Variants in SLC38A10 observed in about 807,000 individuals in gnomAD.
The protein encoded by SLC38A10 is solute carrier family 38 member 10, also known as Sodium-coupled neutral amino acid transporter 10.
Under a neutral mutation model 81.0 loss-of-function variants are expected in SLC38A10, and 53 were observed. That is an observed-to-expected ratio of 0.65 (90% CI 0.53 to 0.82). The LOEUF (loss-of-function observed/expected upper bound fraction) is 0.82, where lower values mean the gene tolerates loss of function less well. SLC38A10 is among the 40% of genes least tolerant of loss of function. SLC38A10 has a pLI of 0.00. For synonymous variants in SLC38A10, 665 were observed against 655.3 expected, an observed-to-expected ratio of 1.01 and a Z score of -0.23; for missense variants, 1,471 against 1,545.0, an observed-to-expected ratio of 0.95 and a Z score of 0.80.
intron 14 of SLC38A10, among the ~76,000 whole-genome samples, chr17:81,248,398 T>TG (rs1210301665): frequency 6.6e-6 from 1 of 152,176 alleles, no homozygotes; most frequent in East Asian, 1.9e-4. Context: ...GTGCACCCCG[T>TG]GTTAAGAGCT....
Position 81,295,012 on chromosome 17 carries a change from G to GCCTATCTAGTGTCGAAGCCTGGGA in SLC38A10, c.-92_-91insTCCCAGGCTTCGACACTAGATAGG. 1 of 1,428,072 alleles carries GCCTATCTAGTGTCGAAGCCTGGGA rather than the reference G, an allele frequency of 7.0e-7. No individual in the cohort carries two copies. 88.5% of individuals were successfully genotyped at this position (1,428,072 alleles called of 1,614,324 possible). A position where few individuals can be genotyped will look rare whatever the true frequency, so the allele number is the denominator to read the frequency against. On this transcript the variant is annotated 5_prime_UTR_variant, in exon 1 of 16. Coordinates refer to ENST00000374759, the MANE Select transcript of SLC38A10 (RefSeq NM_001037984.3). ...AGCCCAGCCCGAGGCCACGGTCACA[G>GCCTATCTAGTGTCGAAGCCTGGGA]GTCCCAACGTCCGGGACGCCGGTGG...
Position 81,277,068 on chromosome 17 carries a change from G to A in SLC38A10, c.692C>T (p.Ala231Val), listed in dbSNP as rs974490678. Reference protein sequence around the residue: ...PSVKTMSSIFASSLNVVTTFY... With the variant: ...PSVKTMSSIFVSSLNVVTTFY... ...GGTGGTGACCACATTAAGGGAGGAA[G>A]CAAATATGGAGCTCATGGTTTTCAC... is the stretch of plus-strand genomic sequence containing the variant. The change falls in exon 7 of 16, where the codon GCT becomes GTT. Residue 231 changes from alanine (A) to valine (V), a missense_variant. Ala to Val is a moderately conservative substitution (Grantham distance 64, BLOSUM62 0). Transcript: ENST00000374759. This position sits in a 1 kb window ranked among gnomAD's most constrained non-coding sequence, Gnocchi z 4.5. The A allele has an allele frequency of 6.2e-7, 1 of 1,614,080 alleles. No homozygotes were observed. Among genetic ancestry groups the A allele is most frequent in the African/African-American group, 1.3e-5 (1 of 75,062 alleles).
At chr17:81,275,352 A>G (rs369178602) in intron 8 of SLC38A10, among the ~76,000 whole-genome samples, 7 of 152,144 alleles carry the variant, frequency 4.6e-5, no homozygotes, top group African/African-American at 1.7e-4. Context: ...GGCACCACCA[A>G]TATGGCCTAC....
intron 1 of SLC38A10, among the ~76,000 whole-genome samples, chr17:81,293,284 GA>G (rs1260304993): frequency 3.3e-5 from 5 of 152,248 alleles, no homozygotes; most frequent in African/African-American, 1.2e-4. Context: ...AGTCAGTCCA[GA>G]AACACCCAGA....
Position 81,294,835 on chromosome 17 carries a change from GA to G in SLC38A10, c.86del (p.Phe29SerfsTer21). Reference sequence around the variant, plus strand: ...CCACCGGACTCACCTGTTTGAAGCAGAAGGGCATGGTGAGGACACTGACCCC... The same window carrying G: ...CCACCGGACTCACCTGTTTGAAGCAGAGGGCATGGTGAGGACACTGACCCC... ...IVGVSVLTMP[F>X]CFKQCGIVLG... On this transcript the variant is annotated frameshift_variant, in exon 1 of 16. Transcript: ENST00000374759. LOFTEE classifies it high-confidence loss of function. 6.3e-7 allele frequency: 1 copy of G among 1,591,278 alleles called. No individual in the cohort carries two copies. The highest frequency in any genetic ancestry group is 8.5e-7 in the Non-Finnish European group (1 of 1,170,324).
intron 4 of SLC38A10, among the ~76,000 whole-genome samples, 159 bp from the exon 5 acceptor site, chr17:81,282,491 G>T (rs1050365027): frequency 6.6e-6 from 1 of 152,168 alleles, no homozygotes; most frequent in African/African-American, 2.4e-5. Flanking sequence ...GCCCGAAGCC[G>T]CTCTCACAGC....
At chr17:81,282,394 G>T in intron 4 of SLC38A10, 62 bp from the exon 5 acceptor site, 2 of 1,549,570 alleles carry the variant, frequency 1.3e-6, no homozygotes, top group Non-Finnish European at 8.7e-7. Flanking sequence ...CGGGCTCTCT[G>T]CACTGACAGG....
At position 81,294,990 on chromosome 17, in the gene SLC38A10, C is replaced by T. The variant is rs527502934; in HGVS notation, c.-69G>A. 2 of 1,496,178 alleles carry T rather than the reference C, an allele frequency of 1.3e-6. No individual in the cohort carries two copies. The highest frequency in any genetic ancestry group is 2.7e-5 in the East Asian group (1 of 36,932). 92.7% of individuals were successfully genotyped at this position (1,496,178 alleles called of 1,614,324 possible). On this transcript the variant is annotated 5_prime_UTR_variant, in exon 1 of 16. Coordinates refer to ENST00000374759, the MANE Select transcript of SLC38A10 (RefSeq NM_001037984.3). ...CCGGGCTGCGGCCGGCTTTGGAAGC[C>T]CAGCCCGAGGCCACGGTCACAGGTC...
rs374107142 is a variant in SLC38A10 at position 81,287,238 on chromosome 17, C to T, written c.218-2343G>A. Among the ~76,000 whole-genome samples the T allele has an allele frequency of 4.6e-5, 7 of 152,180 alleles. No homozygotes were observed. In the East Asian group the frequency reaches 7.7e-4, roughly 17 times the overall value. On this transcript the variant is annotated intron_variant, in intron 2 of 15. Transcript: ENST00000374759. ...GGCCACCTCCCCAGGCTAACCAACC[C>T]GAGGAACCATTACACCGCAAACCTA...
At position 81,245,545 on chromosome 17, in the gene SLC38A10, G is replaced by A. The variant is rs758350176; in HGVS notation, c.*11C>T. 28 of 1,581,960 alleles carry A rather than the reference G, an allele frequency of 1.8e-5. No homozygotes were observed. The highest frequency in any genetic ancestry group is 2.3e-5 in the Non-Finnish European group (27 of 1,162,950). ...GGCAGTGGCTGGCGTGGCCCTCATG[G>A]CCAGCAGGTGCTAGGACTCCTCTGG... On this transcript the variant is annotated 3_prime_UTR_variant, in exon 16 of 16. Coordinates refer to ENST00000374759, the MANE Select transcript of SLC38A10 (RefSeq NM_001037984.3).
Position 81,245,786 on chromosome 17 carries a change from G to A in SLC38A10, c.3130C>T (p.Gln1044Ter), listed in dbSNP as rs748118200. The A allele has an allele frequency of 6.2e-7, 1 of 1,600,246 alleles. No individual in the cohort carries two copies. The highest frequency in any genetic ancestry group is 1.7e-5 in the Admixed American group (1 of 59,560). ...NAKPNRDLKL[Q>*]AGSDLRRRRR... ...CGCCTCCGGAGGTCGGAGCCAGCCT[G>A]CAGTTTCAGGTCCCGGTTGGGCTTG... The change falls in exon 16 of 16, where the codon CAG (glutamine) becomes TAG (stop). Residue 1044 changes from glutamine (Q) to a stop codon, truncating the protein, a stop_gained. Transcript: ENST00000374759. LOFTEE classifies it low-confidence loss of function (END_TRUNC).
chr17:81,249,862 G>A (rs973741556), intron 14 of SLC38A10, among the ~76,000 whole-genome samples: 5 of 152,156 alleles, frequency 3.3e-5, no homozygotes, highest in Non-Finnish European at 5.9e-5. Flanking sequence ...GAAGGACCAC[G>A]GCATTTGTAA....
At chr17:81,294,083 G>C (rs1430048943) in intron 1 of SLC38A10, among the ~76,000 whole-genome samples, 1 of 152,110 alleles carries the variant, frequency 6.6e-6, no homozygotes, top group Non-Finnish European at 1.5e-5. Flanking sequence ...GCGTGATCTC[G>C]GCTCACTGCA....
chr17:81,245,482 G>A lies in SLC38A10; in HGVS notation c.*74C>T. The A allele has an allele frequency of 6.7e-7, 1 of 1,497,634 alleles. No homozygotes were observed. Among genetic ancestry groups the A allele is most frequent in the Non-Finnish European group, 8.9e-7 (1 of 1,124,134 alleles). The allele number at this position is 1,497,634 out of a possible 1,614,324, so 92.8% of individuals were successfully genotyped here. ...CGAGTGTGACCTCCAGAGTTTGGCT[G>A]GGATGCGGCTGAGACAGACCTGCTG... On this transcript the variant is annotated 3_prime_UTR_variant, in exon 16 of 16. Coordinates refer to ENST00000374759, the MANE Select transcript of SLC38A10 (RefSeq NM_001037984.3).
Position 81,283,384 on chromosome 17 carries a change from C to T in SLC38A10, c.357+25G>A. 6.2e-7 allele frequency: 1 copy of T among 1,605,118 alleles called. No individual in the cohort carries two copies. The highest frequency in any genetic ancestry group is 8.5e-7 in the Non-Finnish European group (1 of 1,174,880). ...AGAGCAGCCGTCAGCATCTGAACAACCCAGAACCCTGAACACATCCTTACC... is the reference window on the plus strand; with the variant it reads ...AGAGCAGCCGTCAGCATCTGAACAATCCAGAACCCTGAACACATCCTTACC... On this transcript the variant is annotated intron_variant, in intron 4 of 15. Coordinates refer to ENST00000374759, the MANE Select transcript of SLC38A10 (RefSeq NM_001037984.3). The surrounding 1 kb of genome is among the most constrained non-coding windows in gnomAD (Gnocchi z 4.7).
In SLC38A10 at chr17:81,276,005, G is replaced by T; in HGVS notation, c.876C>A (p.Cys292Ter). ...ACAGCAGCGTGCTCAGGGCCTGCCT[G>T]CATGGCAGGATCATCATGGGGAAGC... is the stretch of plus-strand genomic sequence containing the variant. Reference protein sequence around the residue: ...AVGFPMMILPCRQALSTLLCE... With the variant: ...AVGFPMMILP The change falls in exon 8 of 16, where the codon TGC (cysteine) becomes TGA (stop). Residue 292 changes from cysteine (C) to a stop codon, truncating the protein, a stop_gained. Transcript: ENST00000374759. LOFTEE classifies it high-confidence loss of function. This position sits in a 1 kb window ranked among gnomAD's most constrained non-coding sequence, Gnocchi z 4.7. 6.2e-7 allele frequency: 1 copy of T among 1,613,666 alleles called. No individual in the cohort carries two copies. The highest frequency in any genetic ancestry group is 1.1e-5 in the South Asian group (1 of 91,086).
At chr17:81,284,758 A>C in intron 3 of SLC38A10, 92 bp downstream of exon 3, 1 of 997,970 alleles carries the variant, frequency 1.0e-6, no homozygotes, top group Non-Finnish European at 1.4e-6. Context: ...TTACAGGTGA[A>C]TCTGGGGATG....
Position 81,251,333 on chromosome 17 carries a change from G to A in SLC38A10, c.2065+160C>T, listed in dbSNP as rs774948590. The A allele has an allele frequency of 3.7e-6, 6 of 1,612,972 alleles. No individual in the cohort carries two copies. In the Admixed American group the frequency reaches 8.3e-5, roughly 22 times the overall value. On this transcript the variant is annotated intron_variant, in intron 14 of 15. Transcript: ENST00000374759. ...AGAAAGCAAGCTGCTGATGGGAAGG[G>A]AGCAGAAAGCTCTCCGAGGGGTCTG...
At chr17:81,282,511 G>A (rs751716553) in intron 4 of SLC38A10, among the ~76,000 whole-genome samples, 179 bp from the exon 5 acceptor site, 1 of 152,206 alleles carries the variant, frequency 6.6e-6, no homozygotes, top group Admixed American at 6.5e-5. Context: ...CCACTGTGCC[G>A]TGTGCAGCCT....
Sources: gnomAD v4.1 joint callset for allele counts (sites outside exome capture counted in the v4.1 genomes callset) on GRCh38, gnomAD v4.1.1 for gene constraint, Gnocchi (gnomAD v3.1) non-coding constraint, MANE v1.5 for transcripts, NCBI Gene and HGNC (gene_info 2026-07-23, HGNC 2026-07-21) for gene names.